The following JAZF1 variants were observed in gnomAD, a reference collection of about 807,000 sequenced individuals.
JAZF1 encodes JAZF zinc finger 1.
A neutral mutation model predicts 26.4 loss-of-function variants in JAZF1; 8 were observed. The observed-to-expected ratio is 0.30, with a 90% CI of 0.18 to 0.55. JAZF1 has a LOEUF of 0.55. JAZF1 is among the 20% of genes least tolerant of loss of function. JAZF1 has a pLI of 0.94. For missense variants in JAZF1, 199 were observed against 322.0 expected (o/e 0.62, Z 2.92); for synonymous variants, 126 against 122.3 (o/e 1.03, Z -0.20).
At chr7:28,144,023 A>G (rs1022095606) in intron 1 of JAZF1, among the ~76,000 whole-genome samples, 2 of 152,228 alleles carry the variant, frequency 1.3e-5, no homozygotes, top group Non-Finnish European at 2.9e-5. Context: ...CATGAAAATG[A>G]AAGTTGCTGG....
At chr7:27,916,312 A>G (rs1267510095) in intron 2 of JAZF1, among the ~76,000 whole-genome samples, 20 of 152,040 alleles carry the variant, frequency 1.3e-4, no homozygotes, top group Non-Finnish European at 5.9e-5. Flanking sequence ...TCCTTCAAAT[A>G]GGATTATTTA....
At chr7:28,071,910 A>C (rs1049418683) in intron 1 of JAZF1, among the ~76,000 whole-genome samples, 1 of 152,260 alleles carries the variant, frequency 6.6e-6, no homozygotes, top group Admixed American at 6.5e-5. Flanking sequence ...AACTACTAAC[A>C]ATACAAAAGA....
At chr7:27,980,170 G>A (rs1485782834) in intron 2 of JAZF1, among the ~76,000 whole-genome samples, 1 of 152,188 alleles carries the variant, frequency 6.6e-6, no homozygotes, top group Admixed American at 6.5e-5. Flanking sequence ...AGTGGCTAGA[G>A]CCTAGAGCCT....
chr7:28,094,808 G>A (rs1186832730), intron 1 of JAZF1, among the ~76,000 whole-genome samples: 1 of 152,122 alleles, frequency 6.6e-6, no homozygotes, highest in East Asian at 1.9e-4. Flanking sequence ...TGTGGCCAGA[G>A]GGGACCAAGG....
At chr7:27,968,377 A>G (rs943449441) in intron 2 of JAZF1, among the ~76,000 whole-genome samples, 2 of 152,212 alleles carry the variant, frequency 1.3e-5, no homozygotes, top group Non-Finnish European at 2.9e-5. Flanking sequence ...AAATGCTTAT[A>G]TAAGGTAGAA....
chr7:27,853,323 G>T (rs1460466223), intron 3 of JAZF1, among the ~76,000 whole-genome samples: 1 of 152,192 alleles, frequency 6.6e-6, no homozygotes, highest in Admixed American at 6.5e-5. Context: ...GGGCCATTGT[G>T]TATGTGGAGT....
At chr7:28,008,298 C>G (rs935073700) in intron 1 of JAZF1, among the ~76,000 whole-genome samples, 1 of 152,070 alleles carries the variant, frequency 6.6e-6, no homozygotes, top group African/African-American at 2.4e-5. Context: ...CTCACTGCAA[C>G]GTCAATCTCC....
At position 27,832,511 on chromosome 7, in the gene JAZF1, C is replaced by T. The variant is rs1041314819; in HGVS notation, c.*289G>A. The stretch of plus-strand genomic sequence containing the variant: ...TACAATTCAACAATATGCAACATGC[C>T]CTCAATTTTATTTTGTTTTGGGGGA... On this transcript the variant is annotated 3_prime_UTR_variant, in exon 5 of 5. Coordinates refer to ENST00000283928, the MANE Select transcript of JAZF1 (RefSeq NM_175061.4). 4 of 263,330 alleles carry T rather than the reference C, an allele frequency of 1.5e-5. No homozygotes were observed. In the South Asian group the frequency reaches 4.2e-4, roughly 28 times the overall value. The allele number at this position is 263,330 out of a possible 1,614,324, so 16.3% of individuals were successfully genotyped here. A position where few individuals can be genotyped will look rare whatever the true frequency, so the allele number is the denominator to read the frequency against.
At chr7:28,015,528 T>C (rs557535128) in intron 1 of JAZF1, among the ~76,000 whole-genome samples, 256 of 152,354 alleles carry the variant, frequency 1.7e-3, no homozygotes, top group African/African-American at 6.0e-3. Context: ...AGGGAACAGA[T>C]GCTCTGAGAT....
rs543494359 is a variant in JAZF1, at chr7:28,165,898, C to G, written c.115+14565G>C. 4.6e-5 allele frequency among the ~76,000 whole-genome samples: 7 copies of G among 152,266 alleles called. No individual in the cohort carries two copies. In the East Asian group the frequency reaches 1.2e-3, roughly 25 times the overall value. On this transcript the variant is annotated intron_variant, in intron 1 of 4. Coordinates refer to ENST00000283928, the MANE Select transcript of JAZF1 (RefSeq NM_175061.4). ...GAGGCTTTAACTGTGTAGTTCACTA[C>G]TATAACCCCAGCTCCTAGACAGTGC...
chr7:27,976,967 A>G (rs993064794), intron 2 of JAZF1, among the ~76,000 whole-genome samples: 5 of 132,056 alleles, frequency 3.8e-5, no homozygotes, highest in African/African-American at 7.5e-5. Flanking sequence ...TAGAAGGAGG[A>G]AAAAAAAGCA....
chr7:27,982,996 A>G (rs1330089376), intron 2 of JAZF1, among the ~76,000 whole-genome samples: 1 of 152,246 alleles, frequency 6.6e-6, no homozygotes, highest in Non-Finnish European at 1.5e-5. Flanking sequence ...GGGAGAAACC[A>G]GAGCAGAAAA....
chr7:27,854,156 G>C (rs1783202059), intron 3 of JAZF1, among the ~76,000 whole-genome samples: 1 of 152,144 alleles, frequency 6.6e-6, no homozygotes, highest in African/African-American at 2.4e-5. Flanking sequence ...ATCTTTGCTG[G>C]TTTAAAGTCT....
At chr7:28,136,738 C>T (rs139336730) in intron 1 of JAZF1, among the ~76,000 whole-genome samples, 56 of 152,140 alleles carry the variant, frequency 3.7e-4, no homozygotes, top group African/African-American at 1.3e-3. Context: ...AATTAAAATA[C>T]TGCATGAAGA....
chr7:28,110,474 A>G, intron 1 of JAZF1, among the ~76,000 whole-genome samples: 1 of 74,710 alleles, frequency 1.3e-5, no homozygotes, highest in East Asian at 9.9e-4. Context: ...AAAGGAAAGG[A>G]AAGGAAAGGA....
In JAZF1 at chr7:27,933,541, G is replaced by T. The variant is rs917968714; in HGVS notation, c.189-38125C>A. 2.0e-5 allele frequency among the ~76,000 whole-genome samples: 3 copies of T among 152,342 alleles called. No homozygotes were observed. In the East Asian group the frequency reaches 5.8e-4, roughly 29 times the overall value. ...CAACAAAACAGGTTGTTTGGCTATA[G>T]ATTTTCTTCTCTAGATTTAGCAGTT... On this transcript the variant is annotated intron_variant, in intron 2 of 4. Transcript: ENST00000283928.
At chr7:27,983,850 AAG>A (rs1185351670) in intron 2 of JAZF1, among the ~76,000 whole-genome samples, 2 of 152,206 alleles carry the variant, frequency 1.3e-5, no homozygotes, top group Non-Finnish European at 2.9e-5. Context: ...CAGCCAAAGT[AAG>A]CTTCATAAGT....
At position 28,033,303 on chromosome 7, in the gene JAZF1, TGTGTA is replaced by T. The variant is rs1783224950; in HGVS notation, c.116-41327_116-41323del. The stretch of plus-strand genomic sequence containing the variant: ...GGAAGACCACAGATTTGGAGCCTAG[TGTGTA>T]ATGTGGATAAAGACTTGAGGCTGGC... On this transcript the variant is annotated intron_variant, in intron 1 of 4. Coordinates refer to ENST00000283928, the MANE Select transcript of JAZF1 (RefSeq NM_175061.4). Among the ~76,000 whole-genome samples, 3 of 152,154 alleles carry T rather than the reference TGTGTA, an allele frequency of 2.0e-5. No homozygotes were observed. The South Asian group carries it at 6.2e-4, about 32-fold the overall frequency.
intron 3 of JAZF1, among the ~76,000 whole-genome samples, chr7:27,890,544 T>C (rs1201857809): frequency 6.6e-6 from 1 of 152,190 alleles, no homozygotes; most frequent in Non-Finnish European, 1.5e-5. Flanking sequence ...TGAATGTGGA[T>C]AGAAAGTGTG....
Sources: allele counts gnomAD v4.1 joint callset (sites outside exome capture counted in the v4.1 genomes callset), GRCh38; gene constraint gnomAD v4.1.1; transcripts MANE v1.5; gene names NCBI Gene and HGNC (gene_info 2026-07-23, HGNC 2026-07-21).